Variants in POLR2I observed in about 807,000 individuals in gnomAD.
POLR2I encodes the protein RNA polymerase II subunit I.
Under a neutral mutation model 23.0 loss-of-function variants are expected in POLR2I, and 15 were observed. The observed-to-expected ratio is 0.65, with a 90% CI of 0.44 to 1.00. POLR2I has a LOEUF of 1.00. POLR2I is among the 50% of genes least tolerant of loss of function. The pLI is 0.00. For synonymous variants in POLR2I, 72 were observed against 65.4 expected, an observed-to-expected ratio of 1.10 and a Z score of -0.49; for missense variants, 120 against 173.7, an observed-to-expected ratio of 0.69 and a Z score of 1.74.
At position 36,114,719 on chromosome 19, in the gene POLR2I, G is replaced by A. The variant is rs200919588; in HGVS notation, c.60-6C>T. The A allele has an allele frequency of 8.7e-6, 14 of 1,613,072 alleles. No individual in the cohort carries two copies. The Middle Eastern group carries it at 1.3e-3, about 152-fold the overall frequency. ...TGGGGTACAGCATGTTGTTACTGTG[G>A]GGAGGGGGAGGTGCCAGGGGTTAGT... On this transcript the variant is annotated splice_polypyrimidine_tract_variant and splice_region_variant and intron_variant, in intron 1 of 5. Transcript: ENST00000221859. This position sits in a 1 kb window ranked among gnomAD's most constrained non-coding sequence, Gnocchi z 4.5.
chr19:36,114,259 G>A lies in POLR2I; in HGVS notation c.189-8C>T, dbSNP rs775102029. On this transcript the variant is annotated splice_polypyrimidine_tract_variant and splice_region_variant and intron_variant, in intron 3 of 5. Coordinates refer to ENST00000221859, the MANE Select transcript of POLR2I (RefSeq NM_006233.5). The surrounding 1 kb of genome is among the most constrained non-coding windows in gnomAD (Gnocchi z 4.5). ...ATAATCTGGGTCAGTTCGCTGCAGG[G>A]ACGCGGGGGTGCAAAATTACGCTCA... 55 of 1,613,642 alleles carry A rather than the reference G, an allele frequency of 3.4e-5. No homozygotes were observed. Among genetic ancestry groups the A allele is most frequent in the Non-Finnish European group, 4.6e-5 (54 of 1,179,894 alleles).
rs752004943 is a variant in POLR2I at position 36,114,046 on chromosome 19, A to G, written c.284T>C (p.Val95Ala). 1 of 1,614,004 alleles carries G rather than the reference A, an allele frequency of 6.2e-7. No homozygotes were observed. The highest frequency in any genetic ancestry group is 2.2e-5 in the East Asian group (1 of 44,872). The change falls in exon 5 of 6, where the codon GTG (valine) becomes GCG (alanine). Residue 95 changes from valine to alanine, a missense_variant. Val to Ala is a moderately conservative substitution (Grantham distance 64). Transcript: ENST00000221859. This position sits in a 1 kb window ranked among gnomAD's most constrained non-coding sequence, Gnocchi z 4.5. ...PCQKCGHKEAVFFQSHSARAE... is the reference protein window; with the variant it reads ...PCQKCGHKEAAFFQSHSARAE... ...CCGCGCACTGTGTGACTGGAAGAAC[A>G]CAGCCTCCTTGTGGCCGCACCTGAG... is the stretch of plus-strand genomic sequence containing the variant.
chr19:36,114,617 C>A lies in POLR2I; in HGVS notation c.114+42G>T. On this transcript the variant is annotated intron_variant, in intron 2 of 5. Coordinates refer to ENST00000221859, the MANE Select transcript of POLR2I (RefSeq NM_006233.5). This position sits in a 1 kb window ranked among gnomAD's most constrained non-coding sequence, Gnocchi z 4.5. ...AGGCAGGGGGCAGGGCGGGGCCACG[C>A]TGGGAACAGGTGGACCTGCCGGGGA... 3 of 1,579,718 alleles carry A rather than the reference C, an allele frequency of 1.9e-6. No homozygotes were observed. Among genetic ancestry groups the A allele is most frequent in the South Asian group, 1.1e-5 (1 of 88,324 alleles).
Position 36,114,319 on chromosome 19 carries a change from G to C in POLR2I, c.188+20C>G, listed in dbSNP as rs773511912. 1 of 1,613,724 alleles carries C rather than the reference G, an allele frequency of 6.2e-7. No homozygotes were observed. Among genetic ancestry groups the C allele is most frequent in the Admixed American group, 1.7e-5 (1 of 60,008 alleles). ...TCCAGAGCCAACACCCCCGCCCCCA[G>C]CTCAGGGCCCGCCACTCACTCCACT... On this transcript the variant is annotated intron_variant, in intron 3 of 5. Transcript: ENST00000221859. The surrounding 1 kb of genome is among the most constrained non-coding windows in gnomAD (Gnocchi z 4.5).
rs369679191 is a variant in POLR2I at position 36,113,719 on chromosome 19, A to C, written c.*36T>G. The C allele has an allele frequency of 6.2e-7, 1 of 1,606,878 alleles. No homozygotes were observed. Among genetic ancestry groups the C allele is most frequent in the Non-Finnish European group, 8.5e-7 (1 of 1,176,732 alleles). On this transcript the variant is annotated 3_prime_UTR_variant, in exon 6 of 6. Transcript: ENST00000221859. ...ATAAACACAGAAAACTCACGCATGG[A>C]ATCTGGTGTTTATTACACTCGGGGG...
In POLR2I at chr19:36,114,431, G is replaced by A. The variant is rs764267370; in HGVS notation, c.115-19C>T. The A allele has an allele frequency of 6.2e-7, 1 of 1,609,172 alleles. No homozygotes were observed. Among genetic ancestry groups the A allele is most frequent in the East Asian group, 2.2e-5 (1 of 44,862 alleles). On this transcript the variant is annotated intron_variant, in intron 2 of 5. Transcript: ENST00000221859. This position sits in a 1 kb window ranked among gnomAD's most constrained non-coding sequence, Gnocchi z 4.5. Reference sequence around the variant, plus strand: ...TCCGGCACTACGAGAGGGCGAGTGTGGGGGAAAGGGGGTCACGGAAGGATT... The same window carrying A: ...TCCGGCACTACGAGAGGGCGAGTGTAGGGGAAAGGGGGTCACGGAAGGATT...
rs1442270851 is a variant in POLR2I at position 36,114,300 on chromosome 19, G to A, written c.188+39C>T. ...ATTACGCTCAGACCCAGCCTCCAGA[G>A]CCAACACCCCCGCCCCCAGCTCAGG... On this transcript the variant is annotated intron_variant, in intron 3 of 5. Transcript: ENST00000221859. The surrounding 1 kb of genome is among the most constrained non-coding windows in gnomAD (Gnocchi z 4.5). 1.2e-6 allele frequency: 2 copies of A among 1,612,614 alleles called. No individual in the cohort carries two copies. Among genetic ancestry groups the A allele is most frequent in the African/African-American group, 2.7e-5 (2 of 74,824 alleles).
In POLR2I at chr19:36,114,132, G is replaced by T. The variant is rs200990838; in HGVS notation, c.263+45C>A. ...TTCCCTCCTCCCTTCGCCCAGTGAG[G>T]AGACGAGCCTCACTTTACCTCCCCA... On this transcript the variant is annotated intron_variant, in intron 4 of 5. Transcript: ENST00000221859. This position sits in a 1 kb window ranked among gnomAD's most constrained non-coding sequence, Gnocchi z 4.5. The T allele has an allele frequency of 1.5e-5, 24 of 1,613,640 alleles. No individual in the cohort carries two copies. Among genetic ancestry groups the T allele is most frequent in the Non-Finnish European group, 2.0e-5 (24 of 1,179,718 alleles).
In POLR2I at chr19:36,114,485, G is replaced by A; in HGVS notation, c.115-73C>T. On this transcript the variant is annotated intron_variant, in intron 2 of 5. Transcript: ENST00000221859. This position sits in a 1 kb window ranked among gnomAD's most constrained non-coding sequence, Gnocchi z 4.5. ...GACAAGATTGGGAGGAGAGGGCAGG[G>A]TGATCCCGGAGGATATGACGACAGG... The A allele has an allele frequency of 3.4e-6, 5 of 1,455,364 alleles. No homozygotes were observed. The highest frequency in any genetic ancestry group is 1.1e-5 in the South Asian group (1 of 87,836). 90.2% of individuals were successfully genotyped at this position (1,455,364 alleles called of 1,614,324 possible).
At position 36,113,783 on chromosome 19, in the gene POLR2I, G is replaced by A; in HGVS notation, c.350C>T (p.Pro117Leu). The change falls in exon 6 of 6, where the codon CCA becomes CTA. Residue 117 changes from proline (P) to leucine (L), a missense_variant. Pro to Leu is a moderately conservative substitution (Grantham distance 98). Transcript: ENST00000221859. Reference protein sequence around the residue: ...AMRLYYVCTAPHCGHRWTE With the variant: ...AMRLYYVCTALHCGHRWTE Reference sequence around the variant, plus strand: ...CTCGGTCCAGCGGTGGCCGCAGTGTGGGGCTGTGCACACGTAGTAAAGGCG... The same window carrying A: ...CTCGGTCCAGCGGTGGCCGCAGTGTAGGGCTGTGCACACGTAGTAAAGGCG... 1.2e-6 allele frequency: 2 copies of A among 1,613,438 alleles called. No homozygotes were observed. Among genetic ancestry groups the A allele is most frequent in the African/African-American group, 2.7e-5 (2 of 75,018 alleles).
At position 36,114,541 on chromosome 19, in the gene POLR2I, G is replaced by A. The variant is rs896131623; in HGVS notation, c.114+118C>T. Reference sequence around the variant, plus strand: ...CTTTGGGGATGGGCAGGACATGAGAGTCAGGATCACTTGAGGTGCAGCGGA... The same window carrying A: ...CTTTGGGGATGGGCAGGACATGAGAATCAGGATCACTTGAGGTGCAGCGGA... On this transcript the variant is annotated intron_variant, in intron 2 of 5. Transcript: ENST00000221859. This position sits in a 1 kb window ranked among gnomAD's most constrained non-coding sequence, Gnocchi z 4.5. 3 of 1,309,674 alleles carry A rather than the reference G, an allele frequency of 2.3e-6. No individual in the cohort carries two copies. The highest frequency in any genetic ancestry group is 2.9e-5 in the African/African-American group (2 of 69,354). 81.1% of individuals were successfully genotyped at this position (1,309,674 alleles called of 1,614,324 possible). A position where few individuals can be genotyped will look rare whatever the true frequency, so the allele number is the denominator to read the frequency against.
At position 36,114,812 on chromosome 19, in the gene POLR2I, G is replaced by A. The variant is rs1169215529; in HGVS notation, c.45C>T (p.Arg15=). The A allele has an allele frequency of 1.2e-6, 2 of 1,614,058 alleles. No individual in the cohort carries two copies. Among genetic ancestry groups the A allele is most frequent in the Non-Finnish European group, 1.7e-6 (2 of 1,180,032 alleles). The change falls in exon 1 of 6, where the codon CGC becomes CGT. Residue 15 remains arginine (R), a synonymous_variant. Coordinates refer to ENST00000221859, the MANE Select transcript of POLR2I (RefSeq NM_006233.5). This position sits in a 1 kb window ranked among gnomAD's most constrained non-coding sequence, Gnocchi z 4.5. The part of the protein sequence containing the change: ...GTYEPGFVGI[R]FCQECNNMLY... ...CTCCGCCTCACCATTCCTGGCAGAA[G>A]CGAATACCCACGAAGCCCGGCTCGT... is the stretch of plus-strand genomic sequence containing the variant.
Position 36,114,425 on chromosome 19 carries a change from G to C in POLR2I, c.115-13C>G. The C allele has an allele frequency of 6.2e-7, 1 of 1,612,194 alleles. No individual in the cohort carries two copies. Among genetic ancestry groups the C allele is most frequent in the Non-Finnish European group, 8.5e-7 (1 of 1,178,430 alleles). On this transcript the variant is annotated splice_polypyrimidine_tract_variant and intron_variant, in intron 2 of 5. Transcript: ENST00000221859. This position sits in a 1 kb window ranked among gnomAD's most constrained non-coding sequence, Gnocchi z 4.5. Reference sequence around the variant, plus strand: ...CACAGTTCCGGCACTACGAGAGGGCGAGTGTGGGGGAAAGGGGGTCACGGA... The same window carrying C: ...CACAGTTCCGGCACTACGAGAGGGCCAGTGTGGGGGAAAGGGGGTCACGGA...
chr19:36,114,175 A>G lies in POLR2I; in HGVS notation c.263+2T>C. 1 of 1,613,744 alleles carries G rather than the reference A, an allele frequency of 6.2e-7. No individual in the cohort carries two copies. Among genetic ancestry groups the G allele is most frequent in the Non-Finnish European group, 8.5e-7 (1 of 1,179,762 alleles). On this transcript the variant is annotated splice_donor_variant, in intron 4 of 5. Coordinates refer to ENST00000221859, the MANE Select transcript of POLR2I (RefSeq NM_006233.5). LOFTEE classifies it high-confidence loss of function. This position sits in a 1 kb window ranked among gnomAD's most constrained non-coding sequence, Gnocchi z 4.5. The stretch of plus-strand genomic sequence containing the variant: ...CCTCCCCAGTACCAGCTGAACGCTC[A>G]CTTTTGGCACGGGTGGTCCTCGGTC...
Position 36,114,806 on chromosome 19 carries a change from G to A in POLR2I, c.51C>T (p.Cys17=). 1 of 1,614,180 alleles carries A rather than the reference G, an allele frequency of 6.2e-7. No homozygotes were observed. Among genetic ancestry groups the A allele is most frequent in the South Asian group, 1.1e-5 (1 of 91,090 alleles). ...CGCTCCCTCCGCCTCACCATTCCTG[G>A]CAGAAGCGAATACCCACGAAGCCCG... The part of the protein sequence containing the change: ...YEPGFVGIRF[C]QECNNMLYPK... Residue 17 remains cysteine (C), a synonymous_variant, in exon 1 of 6, where the codon TGC becomes TGT. Coordinates refer to ENST00000221859, the MANE Select transcript of POLR2I (RefSeq NM_006233.5). The surrounding 1 kb of genome is among the most constrained non-coding windows in gnomAD (Gnocchi z 4.5).
chr19:36,114,170 C>T lies in POLR2I; in HGVS notation c.263+7G>A. On this transcript the variant is annotated splice_region_variant and intron_variant, in intron 4 of 5. Transcript: ENST00000221859. This position sits in a 1 kb window ranked among gnomAD's most constrained non-coding sequence, Gnocchi z 4.5. Reference sequence around the variant, plus strand: ...CTTTACCTCCCCAGTACCAGCTGAACGCTCACTTTTGGCACGGGTGGTCCT... The same window carrying T: ...CTTTACCTCCCCAGTACCAGCTGAATGCTCACTTTTGGCACGGGTGGTCCT... 1.2e-6 allele frequency: 2 copies of T among 1,614,120 alleles called. No individual in the cohort carries two copies. Among genetic ancestry groups the T allele is most frequent in the Middle Eastern group, 1.6e-4 (1 of 6,062 alleles).
Position 36,114,476 on chromosome 19 carries a change from G to A in POLR2I, c.115-64C>T, listed in dbSNP as rs1973904914. 1 of 1,493,870 alleles carries A rather than the reference G, an allele frequency of 6.7e-7. No homozygotes were observed. The allele number at this position is 1,493,870 out of a possible 1,614,324, so 92.5% of individuals were successfully genotyped here. A position where few individuals can be genotyped will look rare whatever the true frequency, so the allele number is the denominator to read the frequency against. ...AGGATTCCAGACAAGATTGGGAGGA[G>A]AGGGCAGGGTGATCCCGGAGGATAT... On this transcript the variant is annotated intron_variant, in intron 2 of 5. Transcript: ENST00000221859. The surrounding 1 kb of genome is among the most constrained non-coding windows in gnomAD (Gnocchi z 4.5).
At position 36,114,445 on chromosome 19, in the gene POLR2I, C is replaced by T. The variant is rs1973904095; in HGVS notation, c.115-33G>A. On this transcript the variant is annotated intron_variant, in intron 2 of 5. Coordinates refer to ENST00000221859, the MANE Select transcript of POLR2I (RefSeq NM_006233.5). The surrounding 1 kb of genome is among the most constrained non-coding windows in gnomAD (Gnocchi z 4.5). Reference sequence around the variant, plus strand: ...AGGGCGAGTGTGGGGGAAAGGGGGTCACGGAAGGATTCCAGACAAGATTGG... The same window carrying T: ...AGGGCGAGTGTGGGGGAAAGGGGGTTACGGAAGGATTCCAGACAAGATTGG... 2 of 1,598,558 alleles carry T rather than the reference C, an allele frequency of 1.3e-6. No homozygotes were observed. The highest frequency in any genetic ancestry group is 8.6e-7 in the Non-Finnish European group (1 of 1,166,314).
rs2145903334 is a variant in POLR2I at position 36,114,287 on chromosome 19, C to T, written c.189-36G>A. 2 of 1,613,682 alleles carry T rather than the reference C, an allele frequency of 1.2e-6. No homozygotes were observed. The highest frequency in any genetic ancestry group is 1.1e-5 in the South Asian group (1 of 91,072). ...GCGGGGGTGCAAAATTACGCTCAGA[C>T]CCAGCCTCCAGAGCCAACACCCCCG... On this transcript the variant is annotated intron_variant, in intron 3 of 5. Transcript: ENST00000221859. The surrounding 1 kb of genome is among the most constrained non-coding windows in gnomAD (Gnocchi z 4.5).
Sources: gnomAD v4.1 joint callset for allele counts on GRCh38, gnomAD v4.1.1 for gene constraint, Gnocchi (gnomAD v3.1) non-coding constraint, MANE v1.5 for transcripts, NCBI Gene and HGNC (gene_info 2026-07-23, HGNC 2026-07-21) for gene names.